The following KDM4C variants were observed in gnomAD, a reference collection of about 807,000 sequenced individuals.
The protein encoded by KDM4C is lysine demethylase 4C.
A neutral mutation model predicts 129.3 loss-of-function variants in KDM4C; 81 were observed. The ratio of observed to expected loss-of-function variants is 0.63; its 90% confidence interval spans 0.52 to 0.75. KDM4C has a LOEUF of 0.75. Ranked by LOEUF, KDM4C falls within the 30% of genes least tolerant of loss-of-function variation. The probability of loss-of-function intolerance (pLI) is 0.00; values close to 1 mark genes in which losing one functional copy is unlikely to be tolerated. For missense variants in KDM4C, 1,457 were observed against 1,304.0 expected, an observed-to-expected ratio of 1.12 and a Z score of -1.81; for synonymous variants, 573 against 456.1, an observed-to-expected ratio of 1.26 and a Z score of -3.26.
rs774196457 is a variant in KDM4C at position 7,015,865 on chromosome 9, T to G, written c.2195T>G (p.Ile732Ser). The stretch of plus-strand genomic sequence containing the variant: ...TATTATTTTATAGGTTGTTATGGTA[T>G]TCCTTCTCATGAGATCTGTGATGGA... ...CVRVHASCYG[I>S]PSHEICDGWL... The change falls in exon 15 of 22, where the codon ATT becomes AGT. Residue 732 changes from isoleucine (I) to serine (S), a missense_variant. Coordinates refer to ENST00000381309, the MANE Select transcript of KDM4C (RefSeq NM_015061.6). 1.9e-6 allele frequency: 3 copies of G among 1,611,074 alleles called. No individual in the cohort carries two copies. The highest frequency in any genetic ancestry group is 1.3e-5 in the African/African-American group (1 of 74,878).
At chr9:6,783,106 C>T (rs1421735244) in intron 1 of KDM4C, among the ~76,000 whole-genome samples, 1 of 152,178 alleles carries the variant, frequency 6.6e-6, no homozygotes, top group Non-Finnish European at 1.5e-5. Flanking sequence ...TCTTTCTCCA[C>T]CTTTACCCTG....
At chr9:7,015,794 C>G in intron 14 of KDM4C, 59 bp from the exon 15 acceptor site, 2 of 1,143,038 alleles carry the variant, frequency 1.7e-6, no homozygotes, top group Non-Finnish European at 1.3e-6. Flanking sequence ...GTACTGAGAT[C>G]TGCAATATTT....
chr9:7,114,768 C>T (rs1838709819), intron 18 of KDM4C, among the ~76,000 whole-genome samples: 1 of 152,144 alleles, frequency 6.6e-6, no homozygotes, highest in Non-Finnish European at 1.5e-5. Flanking sequence ...CAGGGAGCCC[C>T]TTAGCAGACC....
intron 1 of KDM4C, among the ~76,000 whole-genome samples, chr9:6,774,637 C>T (rs964749390): frequency 1.8e-4 from 28 of 152,074 alleles, no homozygotes; most frequent in African/African-American, 6.5e-4. Flanking sequence ...CGCACTCCAG[C>T]ATGGGTGACA....
intron 15 of KDM4C, among the ~76,000 whole-genome samples, chr9:7,039,715 A>T (rs535628606): frequency 6.6e-6 from 1 of 152,076 alleles, no homozygotes; most frequent in Non-Finnish European, 1.5e-5. Context: ...TAAGAAAATC[A>T]TAAGGAAGAG....
At chr9:6,829,310 C>T (rs753629361) in intron 4 of KDM4C, among the ~76,000 whole-genome samples, 1 of 152,186 alleles carries the variant, frequency 6.6e-6, no homozygotes, top group Non-Finnish European at 1.5e-5. Context: ...GATGAGGAAG[C>T]TGAGCCTGTT....
chr9:7,019,459 A>T (rs527790436), intron 15 of KDM4C, among the ~76,000 whole-genome samples: 181 of 151,568 alleles, frequency 1.2e-3, no homozygotes, highest in African/African-American at 3.6e-3. Context: ...TTTTTTTTTT[A>T]AAAAACCTGC....
At chr9:6,985,985 C>G (rs559607789) in intron 10 of KDM4C, among the ~76,000 whole-genome samples, 201 of 152,316 alleles carry the variant, frequency 1.3e-3, no homozygotes, top group African/African-American at 4.6e-3. Context: ...GCCACCGTGC[C>G]CGGCTCCTCA....
At chr9:7,042,081 T>C (rs1421336434) in intron 15 of KDM4C, among the ~76,000 whole-genome samples, 1 of 152,092 alleles carries the variant, frequency 6.6e-6, no homozygotes, top group Non-Finnish European at 1.5e-5. Context: ...ACAGTTAATC[T>C]TGTGCATGTT....
intron 19 of KDM4C, among the ~76,000 whole-genome samples, chr9:7,131,795 A>G (rs1840672965): frequency 6.6e-6 from 1 of 152,226 alleles, no homozygotes; most frequent in African/African-American, 2.4e-5. Flanking sequence ...CTGTCTCAGT[A>G]TCTTGAAGAT....
At chr9:6,948,942 C>T (rs7860164) in intron 8 of KDM4C, among the ~76,000 whole-genome samples, 111,733 of 151,676 alleles carry the variant, frequency 0.74, 41,532 homozygotes, top group East Asian at 1. Flanking sequence ...TTTCCCCCTT[C>T]TCTATTCGAC....
At chr9:6,918,998 A>G (rs1385302417) in intron 8 of KDM4C, among the ~76,000 whole-genome samples, 2 of 151,804 alleles carry the variant, frequency 1.3e-5, no homozygotes, top group Admixed American at 1.3e-4. Context: ...ATTACAGGCA[A>G]CGGCCACCAT....
chr9:6,996,111 C>G (rs1819695101), intron 12 of KDM4C, among the ~76,000 whole-genome samples: 1 of 152,200 alleles, frequency 6.6e-6, no homozygotes, highest in East Asian at 1.9e-4. Flanking sequence ...TAATTAATTT[C>G]TCATCCCTCA....
chr9:6,874,149 T>C (rs894794666), intron 5 of KDM4C, among the ~76,000 whole-genome samples: 1 of 152,216 alleles, frequency 6.6e-6, no homozygotes, highest in African/African-American at 2.4e-5. Context: ...ATTACCAAAA[T>C]GTGACACACA....
chr9:7,127,095 G>C (rs896834315), intron 18 of KDM4C, among the ~76,000 whole-genome samples: 10 of 152,098 alleles, frequency 6.6e-5, no homozygotes, highest in Non-Finnish European at 1.2e-4. Flanking sequence ...AAATATGGAA[G>C]ACTCCTGCTT....
chr9:6,774,389 G>A (rs1013081649), intron 1 of KDM4C, among the ~76,000 whole-genome samples: 1 of 152,164 alleles, frequency 6.6e-6, no homozygotes, highest in Non-Finnish European at 1.5e-5. Context: ...TTTACGCTGG[G>A]CGTGGTGGCT....
At chr9:6,753,650 G>A (rs1818146531), upstream of KDM4C, among the ~76,000 whole-genome samples, 1 of 152,072 alleles carries the variant, frequency 6.6e-6, no homozygotes, top group Non-Finnish European at 1.5e-5. Context: ...CTGAGGGGCT[G>A]TATTAGGTGA....
intron 17 of KDM4C, among the ~76,000 whole-genome samples, chr9:7,083,751 A>G (rs914969134): frequency 2.2e-4 from 11 of 50,848 alleles, no homozygotes; most frequent in African/African-American, 9.0e-4. Context: ...GTGTGTGTCA[A>G]GGTGATTGCA....
At chr9:7,130,110 A>G (rs10758835) in intron 19 of KDM4C, among the ~76,000 whole-genome samples, 87,881 of 151,986 alleles carry the variant, frequency 0.58, 25,582 homozygotes, top group Admixed American at 0.64. Flanking sequence ...TGCAGGCTAC[A>G]TAGTTGTTTC....
Sources: gnomAD v4.1 joint callset for allele counts (sites outside exome capture counted in the v4.1 genomes callset) on GRCh38, gnomAD v4.1.1 for gene constraint, MANE v1.5 for transcripts, NCBI Gene and HGNC (gene_info 2026-07-23, HGNC 2026-07-21) for gene names.